The following MTUS2 variants were observed in gnomAD, a reference collection of about 807,000 sequenced individuals.
MTUS2 encodes microtubule-associated tumor suppressor candidate 2.
Under a neutral mutation model 114.1 loss-of-function variants are expected in MTUS2, and 40 were observed. That is an observed-to-expected ratio of 0.35 (90% CI 0.27 to 0.46). The LOEUF (loss-of-function observed/expected upper bound fraction) is 0.46. Ranked by LOEUF, MTUS2 falls within the 20% of genes least tolerant of loss-of-function variation. The probability of loss-of-function intolerance (pLI) is 1.00; values close to 1 mark genes in which losing one functional copy is unlikely to be tolerated. For synonymous variants in MTUS2, 688 were observed against 672.0 expected (o/e 1.02, Z -0.37); for missense variants, 1,679 against 1,705.4 (o/e 0.98, Z 0.27).
At chr13:29,279,376 C>T (rs995386700) in intron 5 of MTUS2, among the ~76,000 whole-genome samples, 2 of 152,172 alleles carry the variant, frequency 1.3e-5, no homozygotes, top group African/African-American at 4.8e-5. Flanking sequence ...CTGAATTAGC[C>T]ATGTGAACCA....
intron 5 of MTUS2, among the ~76,000 whole-genome samples, chr13:29,207,699 A>C (rs1167359883): frequency 1.3e-5 from 2 of 151,880 alleles, no homozygotes; most frequent in East Asian, 3.9e-4. Flanking sequence ...TTTTGTTTTT[A>C]ATTCTGTTTA....
At chr13:29,277,329 A>T (rs773576927) in intron 5 of MTUS2, among the ~76,000 whole-genome samples, 15 of 152,182 alleles carry the variant, frequency 9.9e-5, no homozygotes, top group Admixed American at 2.0e-4. Context: ...GTTATGTTGC[A>T]GTCGGAAAAA....
chr13:28,962,567 A>G (rs1158521839), intron 2 of MTUS2, among the ~76,000 whole-genome samples: 1 of 152,184 alleles, frequency 6.6e-6, no homozygotes, highest in Non-Finnish European at 1.5e-5. Context: ...AAGTTTCTTT[A>G]AAAGAAAACA....
At chr13:29,140,936 G>T (rs2139000690) in intron 5 of MTUS2, among the ~76,000 whole-genome samples, 1 of 152,234 alleles carries the variant, frequency 6.6e-6, no homozygotes. Context: ...ACAAAAATCG[G>T]TGTCGATGTG....
Position 28,888,772 on chromosome 13 carries a change from A to G in MTUS2, c.-243+48922A>G, listed in dbSNP as rs1878746216. 2.0e-5 allele frequency among the ~76,000 whole-genome samples: 3 copies of G among 151,950 alleles called. No individual in the cohort carries two copies. In the South Asian group the frequency reaches 6.2e-4, roughly 32 times the overall value. On this transcript the variant is annotated intron_variant, in intron 2 of 15. Coordinates refer to ENST00000612955, the MANE Select transcript of MTUS2 (RefSeq NM_001033602.4). Reference sequence around the variant, plus strand: ...GCTGTTGATTATTATTCTGCCTGCAAACCCCATATTGATCTTGTAAAATCT... The same window carrying G: ...GCTGTTGATTATTATTCTGCCTGCAGACCCCATATTGATCTTGTAAAATCT...
chr13:29,399,205 G>T (rs996573289), intron 8 of MTUS2, among the ~76,000 whole-genome samples: 1 of 152,186 alleles, frequency 6.6e-6, no homozygotes, highest in Non-Finnish European at 1.5e-5. Context: ...AACTGTCATG[G>T]CTCTGGTGAG....
intron 5 of MTUS2, among the ~76,000 whole-genome samples, chr13:29,140,851 A>C (rs934784501): frequency 3.9e-5 from 6 of 152,194 alleles, no homozygotes; most frequent in African/African-American, 1.2e-4. Context: ...GTGATACTTG[A>C]AAACACAGCA....
At chr13:28,976,582 G>T (rs1024353671) in intron 2 of MTUS2, among the ~76,000 whole-genome samples, 3 of 152,198 alleles carry the variant, frequency 2.0e-5, no homozygotes, top group Admixed American at 2.0e-4. Context: ...AGTCCAGGGA[G>T]GGATGAGGAG....
rs535640140 is a variant in MTUS2, at chr13:29,399,498, A to G, written c.3117+40025A>G. Among the ~76,000 whole-genome samples the G allele has an allele frequency of 3.3e-5, 5 of 152,346 alleles. No homozygotes were observed. The South Asian group carries it at 1.0e-3, about 32-fold the overall frequency. ...CCAATACACGGTTCAAAGATTATCA[A>G]AAATTATCAAAGAATCAGAAATTCA... On this transcript the variant is annotated intron_variant, in intron 8 of 15. Coordinates refer to ENST00000612955, the MANE Select transcript of MTUS2 (RefSeq NM_001033602.4).
intron 12 of MTUS2, among the ~76,000 whole-genome samples, chr13:29,492,956 T>C (rs1273915178): frequency 1.3e-5 from 2 of 152,052 alleles, no homozygotes; most frequent in African/African-American, 2.4e-5. Flanking sequence ...AATAATACAG[T>C]TGGTGAATGC....
At chr13:28,866,966 C>T (rs1877336285) in intron 2 of MTUS2, among the ~76,000 whole-genome samples, 1 of 152,166 alleles carries the variant, frequency 6.6e-6, no homozygotes, top group Non-Finnish European at 1.5e-5. Flanking sequence ...AATCACAATG[C>T]AACATCTTAC....
intron 2 of MTUS2, among the ~76,000 whole-genome samples, chr13:28,895,052 C>G (rs1879184180): frequency 6.6e-6 from 1 of 152,202 alleles, no homozygotes; most frequent in African/African-American, 2.4e-5. Context: ...TCAGTTTTAG[C>G]TCTTCTAAAA....
At chr13:29,244,660 A>G (rs563514970) in intron 5 of MTUS2, among the ~76,000 whole-genome samples, 7 of 152,244 alleles carry the variant, frequency 4.6e-5, no homozygotes, top group African/African-American at 1.7e-4. Flanking sequence ...AGGTAAAATT[A>G]AAAGTAAAAG....
chr13:29,251,871 A>T (rs1270211558), intron 5 of MTUS2, among the ~76,000 whole-genome samples: 2 of 152,162 alleles, frequency 1.3e-5, no homozygotes, highest in Non-Finnish European at 2.9e-5. Flanking sequence ...CCTTTTGGCT[A>T]TTGTAAATAA....
chr13:29,363,661 TGTTA>T (rs1457492081), intron 8 of MTUS2, among the ~76,000 whole-genome samples: 3 of 152,240 alleles, frequency 2.0e-5, no homozygotes, highest in African/African-American at 7.2e-5. Context: ...GTCTTGTTGT[TGTTA>T]GTTAGGGGTA....
At chr13:29,040,714 A>G (rs1249205133) in intron 4 of MTUS2, among the ~76,000 whole-genome samples, 2 of 152,168 alleles carry the variant, frequency 1.3e-5, no homozygotes, top group Admixed American at 1.3e-4. Context: ...GATAATTAGT[A>G]ATGATGATCA....
intron 5 of MTUS2, among the ~76,000 whole-genome samples, chr13:29,195,858 A>C (rs1894675658): frequency 6.6e-6 from 1 of 152,118 alleles, no homozygotes; most frequent in South Asian, 2.1e-4. Flanking sequence ...GATTTGGGGA[A>C]ACTGGAAAAT....
intron 8 of MTUS2, among the ~76,000 whole-genome samples, chr13:29,372,704 A>G (rs929678056): frequency 1.3e-5 from 2 of 152,166 alleles, no homozygotes; most frequent in African/African-American, 4.8e-5. Context: ...TTTCTTCTTT[A>G]TATGATCTGG....
chr13:29,026,935 A>G (rs375497658), intron 3 of MTUS2, 32 bp downstream of exon 3: 1 of 1,527,230 alleles, frequency 6.5e-7, no homozygotes, highest in Non-Finnish European at 8.7e-7. Flanking sequence ...ATGGTCTATA[A>G]GTTGACTGTC....
Sources: allele counts gnomAD v4.1 joint callset (sites outside exome capture counted in the v4.1 genomes callset), GRCh38; gene constraint gnomAD v4.1.1; transcripts MANE v1.5; gene names NCBI Gene and HGNC (gene_info 2026-07-23, HGNC 2026-07-21).